Variants in RNF150 observed in about 807,000 individuals in gnomAD.
The protein encoded by RNF150 is ring finger protein 150.
Under a neutral mutation model 39.3 loss-of-function variants are expected in RNF150, and 24 were observed. The ratio of observed to expected loss-of-function variants is 0.61; its 90% confidence interval spans 0.44 to 0.86. The LOEUF is 0.86. Ranked by LOEUF, RNF150 falls within the 40% of genes least tolerant of loss-of-function variation. The pLI is 0.00. For synonymous variants in RNF150, 255 were observed against 227.3 expected (o/e 1.12, Z -1.10); for missense variants, 502 against 587.8 (o/e 0.85, Z 1.51).
upstream of RNF150, among the ~76,000 whole-genome samples, chr4:141,137,130 C>A (rs1285459301): frequency 6.6e-6 from 1 of 152,110 alleles, no homozygotes; most frequent in Non-Finnish European, 1.5e-5. Context: ...AAAGTAGAAA[C>A]TGAGTGAAGA....
At chr4:141,181,945 T>C (rs1419891993) in intron 1 of RNF150, among the ~76,000 whole-genome samples, 6 of 152,188 alleles carry the variant, frequency 3.9e-5, no homozygotes, top group Non-Finnish European at 8.8e-5. Flanking sequence ...TGTTACCTTC[T>C]AGCTCTATCA....
rs539586249 is a variant in RNF150 at position 141,159,938 on chromosome 4, T to C, written c.-6+52856A>G. ...GTTTTTTTTTCAAACTCCCTACTTT[T>C]GTCTGTTACAATTCGCAACAATTGT... On this transcript the variant is annotated intron_variant, in intron 1 of 7. Transcript: ENST00000420921. Among the ~76,000 whole-genome samples the C allele has an allele frequency of 9.2e-5, 14 of 152,284 alleles. No individual in the cohort carries two copies. The South Asian group carries it at 2.5e-3, about 27-fold the overall frequency.
At chr4:140,997,962 A>C (rs1217353193) in intron 1 of RNF150, among the ~76,000 whole-genome samples, 1 of 152,170 alleles carries the variant, frequency 6.6e-6, no homozygotes, top group Admixed American at 6.5e-5. Context: ...TCCATATCAT[A>C]CTCATGTATG....
At chr4:141,196,633 G>A (rs1173557931) in intron 1 of RNF150, among the ~76,000 whole-genome samples, 6 of 152,134 alleles carry the variant, frequency 3.9e-5, no homozygotes, top group Non-Finnish European at 8.8e-5. Context: ...TTGTTACAAT[G>A]CATAAAACTA....
chr4:141,194,931 G>T (rs555590987), intron 1 of RNF150, among the ~76,000 whole-genome samples: 1 of 152,142 alleles, frequency 6.6e-6, no homozygotes, highest in Non-Finnish European at 1.5e-5. Flanking sequence ...AGGATTAAAT[G>T]AGTTAATTAA....
intron 1 of RNF150, among the ~76,000 whole-genome samples, chr4:141,106,241 G>C (rs73849811): frequency 0.012 from 1,829 of 152,236 alleles, 36 homozygotes; most frequent in African/African-American, 0.042. Flanking sequence ...ACCCTTGTCA[G>C]TTGTTTCTTT....
chr4:140,958,733 A>G (rs1398066014), intron 2 of RNF150, among the ~76,000 whole-genome samples: 1 of 152,074 alleles, frequency 6.6e-6, no homozygotes, highest in Non-Finnish European at 1.5e-5. Context: ...TCCAGGCTAC[A>G]CGGTGTAGAA....
chr4:140,966,654 A>G (rs1733254697), intron 2 of RNF150, among the ~76,000 whole-genome samples: 1 of 152,148 alleles, frequency 6.6e-6, no homozygotes, highest in Non-Finnish European at 1.5e-5. Context: ...AACTTACCAA[A>G]TCACTAACAA....
intron 1 of RNF150, among the ~76,000 whole-genome samples, chr4:141,042,365 AAATTCCTTTG>A (rs1275332818): frequency 6.6e-6 from 1 of 152,128 alleles, no homozygotes; most frequent in African/African-American, 2.4e-5. Flanking sequence ...CTTTGACATC[AAATTCCTTTG>A]ACATAATTAT....
chr4:141,136,394 A>G (rs1009304123), upstream of RNF150, among the ~76,000 whole-genome samples: 3 of 152,214 alleles, frequency 2.0e-5, no homozygotes, highest in African/African-American at 4.8e-5. Context: ...GGTTTCCACT[A>G]GCTACACTTT....
intron 1 of RNF150, among the ~76,000 whole-genome samples, chr4:141,181,507 T>C (rs1727908864): frequency 6.6e-6 from 1 of 152,212 alleles, no homozygotes; most frequent in Non-Finnish European, 1.5e-5. Flanking sequence ...TCATTTGACC[T>C]CTTTGAAAAT....
At chr4:141,044,409 G>T (rs969593455) in intron 1 of RNF150, among the ~76,000 whole-genome samples, 1 of 151,954 alleles carries the variant, frequency 6.6e-6, no homozygotes, top group Admixed American at 6.6e-5. Context: ...TGAACTCTGG[G>T]TCTACATCAA....
chr4:140,908,196 T>C (rs1000483121), intron 6 of RNF150, among the ~76,000 whole-genome samples: 3 of 152,236 alleles, frequency 2.0e-5, no homozygotes, highest in Admixed American at 2.0e-4. Flanking sequence ...GCATTTGTGT[T>C]TGTTCATTTA....
At chr4:141,104,166 T>A (rs1739117323) in intron 1 of RNF150, among the ~76,000 whole-genome samples, 1 of 152,070 alleles carries the variant, frequency 6.6e-6, no homozygotes, top group Non-Finnish European at 1.5e-5. Context: ...CCCAAAGCCC[T>A]GTGGAGAATG....
intron 1 of RNF150, among the ~76,000 whole-genome samples, chr4:141,175,870 A>G (rs184140053): frequency 6.6e-6 from 1 of 152,060 alleles, no homozygotes; most frequent in East Asian, 1.9e-4. Context: ...GAGGAGAAGC[A>G]AGCTCTCTTG....
intron 1 of RNF150, among the ~76,000 whole-genome samples, chr4:141,091,322 A>G (rs1481982354): frequency 6.6e-6 from 1 of 152,238 alleles, no homozygotes; most frequent in East Asian, 1.9e-4. Flanking sequence ...GAAGTGAGAC[A>G]ACTCAAAAAT....
At chr4:141,108,479 A>G (rs1343828776) in intron 1 of RNF150, among the ~76,000 whole-genome samples, 2 of 152,218 alleles carry the variant, frequency 1.3e-5, no homozygotes, top group African/African-American at 4.8e-5. Flanking sequence ...TAAGTGCTTT[A>G]CATACATTAC....
chr4:140,951,693 G>A (rs1375554560), intron 2 of RNF150, among the ~76,000 whole-genome samples: 2 of 152,034 alleles, frequency 1.3e-5, no homozygotes, highest in Non-Finnish European at 2.9e-5. Flanking sequence ...AGTATCAACT[G>A]ACAGCTGCTC....
chr4:141,083,743 C>T (rs1284666785), intron 1 of RNF150, among the ~76,000 whole-genome samples: 1 of 152,032 alleles, frequency 6.6e-6, no homozygotes. Flanking sequence ...TGTGTACACA[C>T]GATTCATAGG....
Sources: allele counts gnomAD v4.1 joint callset (sites outside exome capture counted in the v4.1 genomes callset), GRCh38; gene constraint gnomAD v4.1.1; transcripts MANE v1.5; gene names NCBI Gene and HGNC (gene_info 2026-07-23, HGNC 2026-07-21).